Variants in MGAT4C observed in about 807,000 individuals in gnomAD.
MGAT4C encodes MGAT4 family member C, also known as alpha-1,3-mannosyl-glycoprotein 4-beta-N-acetylglucosaminyltransferase C.
In MGAT4C, 19 loss-of-function variants were observed where a neutral mutation model predicts 40.1. That is an observed-to-expected ratio of 0.47 (90% CI 0.33 to 0.70). The LOEUF is 0.70. Among genes scored for constraint, MGAT4C ranks in the 30% least tolerant of loss-of-function variants. MGAT4C has a pLI of 0.02. For synonymous variants in MGAT4C, 181 were observed against 187.1 expected, an observed-to-expected ratio of 0.97 and a Z score of 0.27; for missense variants, 491 against 563.2, an observed-to-expected ratio of 0.87 and a Z score of 1.30.
intron 4 of MGAT4C, among the ~76,000 whole-genome samples, chr12:86,331,254 C>A (rs1177054610): frequency 6.6e-6 from 1 of 152,062 alleles, no homozygotes; most frequent in Non-Finnish European, 1.5e-5. Flanking sequence ...TCCCTTCTCC[C>A]TTGATTCTTC....
At chr12:86,537,384 A>G (rs1157284290) in intron 2 of MGAT4C, among the ~76,000 whole-genome samples, 1 of 151,838 alleles carries the variant, frequency 6.6e-6, no homozygotes, top group Non-Finnish European at 1.5e-5. Flanking sequence ...AAAAAAAACA[A>G]CAGTTAAGGC....
At chr12:86,068,093 T>A (rs750031852) in intron 1 of MGAT4C, 3 of 152,236 alleles carry the variant, frequency 2.0e-5, no homozygotes, top group Non-Finnish European at 4.4e-5. Context: ...TTGGAAATGC[T>A]GTGTATGTTC....
chr12:86,512,396 C>A (rs1006538123), intron 2 of MGAT4C, among the ~76,000 whole-genome samples: 3 of 152,040 alleles, frequency 2.0e-5, no homozygotes, highest in African/African-American at 2.4e-5. Flanking sequence ...GATCCAACAT[C>A]CTACTTCTGT....
chr12:86,366,304 T>C (rs1955595068), intron 3 of MGAT4C, among the ~76,000 whole-genome samples: 1 of 152,204 alleles, frequency 6.6e-6, no homozygotes, highest in South Asian at 2.1e-4. Context: ...AAGGTTTCTA[T>C]GTATAGAATC....
At chr12:86,696,205 T>C (rs1950255409) in intron 2 of MGAT4C, among the ~76,000 whole-genome samples, 1 of 150,172 alleles carries the variant, frequency 6.7e-6, no homozygotes, top group East Asian at 2.0e-4. Context: ...GGCAACAGAG[T>C]GAGACTCAGA....
rs895573642 is a variant in MGAT4C, at chr12:85,970,448, G to A, written c.*8841C>T. On this transcript the variant is annotated 3_prime_UTR_variant, in exon 5 of 5. Coordinates refer to ENST00000611864, the MANE Select transcript of MGAT4C (RefSeq NM_001351288.2). ...GAAAACTGTTAAATTGATTATGAACGTAGGCACATTACTTATAAATCCCCT... is the reference window on the plus strand; with the variant it reads ...GAAAACTGTTAAATTGATTATGAACATAGGCACATTACTTATAAATCCCCT... 10 of 151,224 alleles carry A rather than the reference G, an allele frequency of 6.6e-5. No individual in the cohort carries two copies. The highest frequency in any genetic ancestry group is 1.9e-4 in the African/African-American group (8 of 41,346). 9.4% of individuals were successfully genotyped at this position (151,224 alleles called of 1,614,324 possible). A position where few individuals can be genotyped will look rare whatever the true frequency, so the allele number is the denominator to read the frequency against.
At chr12:86,315,418 G>T (rs565371697) in intron 4 of MGAT4C, among the ~76,000 whole-genome samples, 1 of 151,956 alleles carries the variant, frequency 6.6e-6, no homozygotes, top group East Asian at 1.9e-4. Context: ...AATCCTAGAA[G>T]AAGGCCGGGC....
chr12:86,175,604 A>ATGTCAAACGTG (rs1887318421), intron 1 of MGAT4C, among the ~76,000 whole-genome samples: 1 of 152,064 alleles, frequency 6.6e-6, no homozygotes, highest in Non-Finnish European at 1.5e-5. Flanking sequence ...TGTCAAACGT[A>ATGTCAAACGTG]TACCAAACAT....
At chr12:86,762,664 A>G (rs1244379439) in intron 1 of MGAT4C, among the ~76,000 whole-genome samples, 3 of 152,216 alleles carry the variant, frequency 2.0e-5, no homozygotes, top group Non-Finnish European at 4.4e-5. Context: ...TTTTCATTAC[A>G]TGTTTTAAGA....
rs1952957205 is a variant in MGAT4C, at chr12:86,832,759, T to A, written c.-262+5907A>T. Among the ~76,000 whole-genome samples the A allele has an allele frequency of 2.0e-5, 3 of 151,942 alleles. No individual in the cohort carries two copies. The South Asian group carries it at 6.2e-4, about 32-fold the overall frequency. The stretch of plus-strand genomic sequence containing the variant: ...CCAAACCTTAGCTAACCACGTAATC[T>A]ACTTATGCTACGTAATCATGGACAG... On this transcript the variant is annotated intron_variant, in intron 1 of 7. Transcript: ENST00000548651.
At chr12:85,986,021 G>A (rs982974624) in intron 3 of MGAT4C, among the ~76,000 whole-genome samples, 1 of 152,116 alleles carries the variant, frequency 6.6e-6, no homozygotes, top group South Asian at 2.1e-4. Context: ...TAGAAATTTT[G>A]TGTTATAAGA....
At chr12:86,600,951 C>T (rs10735253) in intron 2 of MGAT4C, among the ~76,000 whole-genome samples, 132,451 of 152,262 alleles carry the variant, frequency 0.87, 58,324 homozygotes, top group South Asian at 0.96. Context: ...GCGACTATGT[C>T]CTGATAGCCG....
chr12:86,536,485 CTTCAG>C (rs1204609073), intron 2 of MGAT4C, among the ~76,000 whole-genome samples: 31 of 152,078 alleles, frequency 2.0e-4, no homozygotes, highest in African/African-American at 6.3e-4. Flanking sequence ...TAAAATGAGT[CTTCAG>C]TTAAGGGGAT....
intron 2 of MGAT4C, among the ~76,000 whole-genome samples, chr12:86,014,921 A>G (rs1297365534): frequency 6.6e-6 from 1 of 150,630 alleles, no homozygotes; most frequent in Non-Finnish European, 1.5e-5. Context: ...AGCTGGGACT[A>G]CTGGCATGTG....
At chr12:86,448,955 T>C (rs1957381689) in intron 2 of MGAT4C, among the ~76,000 whole-genome samples, 1 of 152,166 alleles carries the variant, frequency 6.6e-6, no homozygotes, top group Admixed American at 6.6e-5. Context: ...TCTTTATCAT[T>C]GAGGAGTACA....
At chr12:86,739,152 A>C (rs1951028103) in intron 1 of MGAT4C, among the ~76,000 whole-genome samples, 1 of 148,810 alleles carries the variant, frequency 6.7e-6, no homozygotes, top group African/African-American at 2.4e-5. Context: ...AAAAAAAAAA[A>C]AAAAAAAAAA....
At chr12:86,213,613 T>A (rs889321938) in intron 1 of MGAT4C, among the ~76,000 whole-genome samples, 3 of 150,084 alleles carry the variant, frequency 2.0e-5, no homozygotes, top group African/African-American at 7.4e-5. Flanking sequence ...TTAACACCAA[T>A]TATTTAAAAA....
intron 1 of MGAT4C, among the ~76,000 whole-genome samples, chr12:86,228,713 A>G (rs1396443927): frequency 6.6e-6 from 1 of 151,954 alleles, no homozygotes; most frequent in Non-Finnish European, 1.5e-5. Context: ...TTATGTATGT[A>G]AGACTCTAAT....
chr12:86,411,000 A>T (rs1363753985), intron 3 of MGAT4C, among the ~76,000 whole-genome samples: 1 of 140,990 alleles, frequency 7.1e-6, no homozygotes, highest in Non-Finnish European at 1.5e-5. Flanking sequence ...ACCTTCTGCC[A>T]TAATTGTAAG....
Sources: gnomAD v4.1 joint callset for allele counts (sites outside exome capture counted in the v4.1 genomes callset) on GRCh38, gnomAD v4.1.1 for gene constraint, MANE v1.5 for transcripts, NCBI Gene and HGNC (gene_info 2026-07-23, HGNC 2026-07-21) for gene names.